Variants in FMN1 observed in about 807,000 individuals in gnomAD.
FMN1 encodes formin 1.
In FMN1, 110 loss-of-function variants were observed where a neutral mutation model predicts 132.4. The ratio of observed to expected loss-of-function variants is 0.83; its 90% CI spans 0.71 to 0.97. FMN1 has a LOEUF of 0.97. Ranked by LOEUF, FMN1 falls within the 50% of genes least tolerant of loss-of-function variation. FMN1 has a pLI of 0.00. For synonymous variants in FMN1, 722 were observed against 651.7 expected (o/e 1.11, Z -1.64); for missense variants, 1,792 against 1,705.3 (o/e 1.05, Z -0.90).
Position 32,768,015 on chromosome 15 carries a change from A to G in FMN1, c.*6295T>C, listed in dbSNP as rs1410142933. On this transcript the variant is annotated 3_prime_UTR_variant, in exon 21 of 21. Transcript: ENST00000616417. ...TGAAGCGAGGAAAAAGGAGATATTT[A>G]TAATTCACAAAAACATCTAAAATGT... 6.6e-6 allele frequency: 1 copy of G among 152,230 alleles called. No homozygotes were observed. The highest frequency in any genetic ancestry group is 2.4e-5 in the African/African-American group (1 of 41,446). The allele number at this position is 152,230 out of a possible 1,614,324, so 9.4% of individuals were successfully genotyped here.
At chr15:33,122,132 GA>G (rs1402984856) in intron 4 of FMN1, among the ~76,000 whole-genome samples, 2 of 152,206 alleles carry the variant, frequency 1.3e-5, no homozygotes, top group Non-Finnish European at 2.9e-5. Context: ...ACTACACAGT[GA>G]AACAAATTAT....
intron 15 of FMN1, among the ~76,000 whole-genome samples, chr15:32,896,246 A>C (rs1044977232): frequency 1.3e-5 from 2 of 151,930 alleles, no homozygotes; most frequent in African/African-American, 4.8e-5. Flanking sequence ...TTATAGCTCT[A>C]TAATATATTA....
rs142160564 is a variant in FMN1, at chr15:33,181,341, C to T, written c.-196-1079G>A. ...AGTAGCTCCATAACTGTCACTTTTT[C>T]TGAGATGTCTCTCCTGCCTCTTCCG... On this transcript the variant is annotated intron_variant, in intron 2 of 20. Transcript: ENST00000616417. Among the ~76,000 whole-genome samples the T allele has an allele frequency of 5.1e-3, 776 of 152,310 alleles. 6 individuals carry two copies. Among genetic ancestry groups the T allele is most frequent in the African/African-American group, 0.016 (681 of 41,572 alleles).
chr15:33,158,286 T>C (rs992281898), intron 3 of FMN1, among the ~76,000 whole-genome samples: 1 of 152,180 alleles, frequency 6.6e-6, no homozygotes, highest in Non-Finnish European at 1.5e-5. Context: ...CTGGTCTTTA[T>C]AAGTCTTGGT....
In FMN1 at chr15:32,969,452, T is replaced by C; in HGVS notation, c.2249A>G (p.His750Arg). 6.2e-7 allele frequency: 1 copy of C among 1,613,862 alleles called. No homozygotes were observed. The highest frequency in any genetic ancestry group is 8.5e-7 in the Non-Finnish European group (1 of 1,179,812). The change falls in exon 8 of 21, where the codon CAT (histidine) becomes CGT (arginine). Residue 750 changes from histidine to arginine, a missense_variant. Transcript: ENST00000616417. ...TATCATTGCATGCTCGCCCCGGATA[T>C]GAAATGCCCGAAGTTCAAACTGTGC... ...LQAQFELRAFHIRGEHAMITA... is the reference protein window; with the variant it reads ...LQAQFELRAFRIRGEHAMITA...
intron 19 of FMN1, among the ~76,000 whole-genome samples, chr15:32,790,154 G>A (rs150026462): frequency 4.5e-4 from 69 of 152,338 alleles, no homozygotes; most frequent in African/African-American, 1.6e-3. Context: ...CAGAAAAGAA[G>A]GCAGTTAGGC....
At chr15:33,145,091 C>T (rs1964164444) in intron 4 of FMN1, among the ~76,000 whole-genome samples, 1 of 152,100 alleles carries the variant, frequency 6.6e-6, no homozygotes, top group Non-Finnish European at 1.5e-5. Context: ...CTCCCCCACA[C>T]CAATTTCCCC....
intron 10 of FMN1, among the ~76,000 whole-genome samples, chr15:32,917,165 G>C (rs1164186632): frequency 6.6e-6 from 1 of 152,224 alleles, no homozygotes; most frequent in Non-Finnish European, 1.5e-5. Flanking sequence ...AGCCAGTAGA[G>C]AGGGGTGTGG....
intron 9 of FMN1, among the ~76,000 whole-genome samples, chr15:32,959,653 T>TC (rs1406949473): frequency 1.3e-5 from 2 of 152,152 alleles, no homozygotes; most frequent in Non-Finnish European, 2.9e-5. Flanking sequence ...AGTGTTATTT[T>TC]CCCCCTCAGA....
chr15:32,916,096 C>T (rs903618263), intron 10 of FMN1, among the ~76,000 whole-genome samples: 1 of 152,142 alleles, frequency 6.6e-6, no homozygotes, highest in Non-Finnish European at 1.5e-5. Context: ...ATATAATAAC[C>T]GTCAGCAGGG....
At chr15:32,889,545 C>T (rs1204394248) in intron 15 of FMN1, among the ~76,000 whole-genome samples, 1 of 152,150 alleles carries the variant, frequency 6.6e-6, no homozygotes, top group African/African-American at 2.4e-5. Context: ...CCCTCTAGAC[C>T]TTCATGAAAT....
chr15:33,125,797 G>A (rs28624711), intron 4 of FMN1, among the ~76,000 whole-genome samples: 1 of 152,070 alleles, frequency 6.6e-6, no homozygotes, highest in Admixed American at 6.5e-5. Flanking sequence ...TAGTGACTGA[G>A]CCCTTCCTAT....
chr15:33,067,586 A>G, intron 5 of FMN1: 1 of 1,613,898 alleles, frequency 6.2e-7, no homozygotes, highest in Non-Finnish European at 8.5e-7. Flanking sequence ...TTCTGTCTCC[A>G]CGCTTGCAAT....
In FMN1 at chr15:32,926,923, C is replaced by T. The variant is rs1167570404; in HGVS notation, c.3139-662G>A. 2.0e-5 allele frequency among the ~76,000 whole-genome samples: 3 copies of T among 152,056 alleles called. No individual in the cohort carries two copies. In the East Asian group the frequency reaches 5.8e-4, roughly 29 times the overall value. ...CCTCAGCCTTCAGAGTAGCTGGGATCACAGGCAGGCGCCACCACACCCAGC... is the reference window on the plus strand; with the variant it reads ...CCTCAGCCTTCAGAGTAGCTGGGATTACAGGCAGGCGCCACCACACCCAGC... On this transcript the variant is annotated intron_variant, in intron 9 of 20. Coordinates refer to ENST00000616417, the MANE Select transcript of FMN1 (RefSeq NM_001277313.2).
chr15:32,924,007 C>T (rs1426459861), intron 10 of FMN1, among the ~76,000 whole-genome samples: 1 of 152,196 alleles, frequency 6.6e-6, no homozygotes, highest in Non-Finnish European at 1.5e-5. Context: ...ATAACTGCTT[C>T]AAAACAGTCA....
chr15:33,130,525 A>T (rs1055165389), intron 4 of FMN1, among the ~76,000 whole-genome samples: 1 of 152,216 alleles, frequency 6.6e-6, no homozygotes, highest in African/African-American at 2.4e-5. Context: ...CCACTGGAGT[A>T]TGTGCAAACA....
chr15:32,837,535 A>G (rs888356625), intron 17 of FMN1, among the ~76,000 whole-genome samples: 1 of 152,218 alleles, frequency 6.6e-6, no homozygotes, highest in African/African-American at 2.4e-5. Context: ...TGAGTCCTGA[A>G]GCCCTCTTGT....
At chr15:32,939,265 T>C (rs2061348968) in intron 9 of FMN1, among the ~76,000 whole-genome samples, 1 of 152,224 alleles carries the variant, frequency 6.6e-6, no homozygotes, top group African/African-American at 2.4e-5. Context: ...ATTTTTACGG[T>C]AATTCATTTT....
intron 17 of FMN1, among the ~76,000 whole-genome samples, chr15:32,810,647 G>C (rs1046214708): frequency 6.6e-5 from 10 of 152,212 alleles, no homozygotes; most frequent in African/African-American, 2.4e-4. Flanking sequence ...TTATTCTCAA[G>C]AGGGTGGCAT....
Sources: allele counts gnomAD v4.1 joint callset (sites outside exome capture counted in the v4.1 genomes callset), GRCh38; gene constraint gnomAD v4.1.1; transcripts MANE v1.5; gene names NCBI Gene and HGNC (gene_info 2026-07-23, HGNC 2026-07-21).